Variants in PCDH10 observed in about 807,000 individuals in gnomAD.
PCDH10 encodes the protein protocadherin-10.
Under a neutral mutation model 74.4 loss-of-function variants are expected in PCDH10, and 15 were observed. The observed-to-expected ratio is 0.20, with a 90% CI of 0.13 to 0.31. PCDH10 has a LOEUF of 0.31. Ranked by LOEUF, PCDH10 falls within the 10% of genes least tolerant of loss-of-function variation. PCDH10 has a pLI of 1.00. For synonymous variants in PCDH10, 619 were observed against 589.8 expected, an observed-to-expected ratio of 1.05 and a Z score of -0.72; for missense variants, 1,260 against 1,390.2, an observed-to-expected ratio of 0.91 and a Z score of 1.49.
intron 4 of PCDH10, among the ~76,000 whole-genome samples, chr4:133,185,298 A>G (rs1039508324): frequency 9.2e-5 from 14 of 151,718 alleles, no homozygotes; most frequent in Non-Finnish European, 1.8e-4. Flanking sequence ...AAAAGCAAAT[A>G]TGAGTGTTCA....
At chr4:133,196,851 G>A (rs1388254995), downstream of PCDH10, among the ~76,000 whole-genome samples, 1 of 152,154 alleles carries the variant, frequency 6.6e-6, no homozygotes, top group East Asian at 1.9e-4. Flanking sequence ...GTTTCACAAT[G>A]CAAGTAGTAT....
chr4:133,172,294 T>A (rs1283805835), intron 4 of PCDH10, among the ~76,000 whole-genome samples: 2 of 152,000 alleles, frequency 1.3e-5, no homozygotes, highest in African/African-American at 2.4e-5. Context: ...TAAAAATAAT[T>A]TTTTTACTAT....
In PCDH10 at chr4:133,151,651, A is replaced by C; in HGVS notation, c.1511A>C (p.Glu504Ala). ...GCCCAGCTTGCCTACTCTATCCTCG[A>C]GTGCCAGATCCAGGGCATGAGCGTC... ...ANAQLAYSIL[E>A]CQIQGMSVFT... Residue 504 changes from glutamate to alanine, a missense_variant, in exon 1 of 5, where the codon GAG becomes GCG. Coordinates refer to ENST00000264360, the MANE Select transcript of PCDH10 (RefSeq NM_032961.3). 6.2e-7 allele frequency: 1 copy of C among 1,613,776 alleles called. No homozygotes were observed. Among genetic ancestry groups the C allele is most frequent in the Non-Finnish European group, 8.5e-7 (1 of 1,180,038 alleles).
intron 4 of PCDH10, among the ~76,000 whole-genome samples, chr4:133,185,311 T>C (rs1208837981): frequency 1.3e-5 from 2 of 151,686 alleles, no homozygotes; most frequent in Non-Finnish European, 2.9e-5. Flanking sequence ...AGTGTTCAAA[T>C]GGAAGGCAAA....
chr4:133,158,107 T>C (rs576482146), intron 3 of PCDH10, among the ~76,000 whole-genome samples: 1 of 152,174 alleles, frequency 6.6e-6, no homozygotes, highest in Non-Finnish European at 1.5e-5. Flanking sequence ...ACATAAACCA[T>C]CACAAGAGGA....
intron 4 of PCDH10, among the ~76,000 whole-genome samples, chr4:133,182,778 ATG>A (rs2125870862): frequency 6.6e-6 from 1 of 152,192 alleles, no homozygotes; most frequent in African/African-American, 2.4e-5. Context: ...AGAGCCTGGT[ATG>A]GTGGCCAACG....
chr4:133,201,346 A>G (rs1009553830), intron 2 of PCDH10, among the ~76,000 whole-genome samples: 4 of 152,202 alleles, frequency 2.6e-5, no homozygotes, highest in South Asian at 2.1e-4. Flanking sequence ...GGATGGAGAC[A>G]CACACACCTA....
At chr4:133,161,795 G>T (rs980910611) in intron 3 of PCDH10, among the ~76,000 whole-genome samples, 1 of 151,788 alleles carries the variant, frequency 6.6e-6, no homozygotes, top group Non-Finnish European at 1.5e-5. Context: ...TCCACACCCA[G>T]CTCCATGCCA....
Position 133,175,118 on chromosome 4 carries a change from G to A in PCDH10, c.3103+11836G>A, listed in dbSNP as rs181268337. ...TATTTTTTTCAAGGAAACATCTAAA[G>A]TAGTTACAAAGGCATATCATATTGT... On this transcript the variant is annotated intron_variant, in intron 4 of 4. Transcript: ENST00000264360. 2.6e-5 allele frequency among the ~76,000 whole-genome samples: 4 copies of A among 151,790 alleles called. No individual in the cohort carries two copies. The East Asian group carries it at 7.8e-4, about 29-fold the overall frequency.
intron 1 of PCDH10, chr4:133,153,229 G>A (rs1726781427): frequency 9.7e-7 from 1 of 1,035,540 alleles, no homozygotes; most frequent in Non-Finnish European, 1.2e-6. Context: ...GTACAAGTAA[G>A]CTATAGATTG....
At chr4:133,180,814 T>C (rs528409049) in intron 4 of PCDH10, among the ~76,000 whole-genome samples, 5 of 152,016 alleles carry the variant, frequency 3.3e-5, no homozygotes, top group African/African-American at 1.2e-4. Context: ...AAAAGTAACA[T>C]AATGATTTAA....
At chr4:133,195,666 T>A (rs577906859), downstream of PCDH10, among the ~76,000 whole-genome samples, 4 of 152,140 alleles carry the variant, frequency 2.6e-5, no homozygotes, top group Non-Finnish European at 2.9e-5. Flanking sequence ...AAATATTAAA[T>A]CATCAAATAA....
Position 133,150,807 on chromosome 4 carries a change from G to A in PCDH10, c.667G>A (p.Gly223Ser), listed in dbSNP as rs774175355. The change falls in exon 1 of 5, where the codon GGC (glycine) becomes AGC (serine). Residue 223 changes from glycine to serine, a missense_variant. Gly to Ser is a moderately conservative substitution (Grantham distance 56, BLOSUM62 0). Around this residue, in one of 11 missense-constraint regions of PCDH10, gnomAD observed 192 missense variants for 161.2 expected, o/e 1.19. Coordinates refer to ENST00000264360, the MANE Select transcript of PCDH10 (RefSeq NM_032961.3). ...GEGGGGGGGA[G>S]LPPQQQRTGT... ...AGGAGGGGGAGGTGGCGGGGGAGCA[G>A]GCCTGCCCCCCCAGCAGCAGCGCAC... 1 of 1,586,088 alleles carries A rather than the reference G, an allele frequency of 6.3e-7. No individual in the cohort carries two copies. The highest frequency in any genetic ancestry group is 8.6e-7 in the Non-Finnish European group (1 of 1,167,808).
At position 133,150,363 on chromosome 4, in the gene PCDH10, G is replaced by A; in HGVS notation, c.223G>A (p.Val75Met). ...DLNLETGVLY[V>M]NEKIDREQIC... ...CAACCTGGAGACAGGGGTGCTGTACGTGAACGAGAAAATAGACCGCGAACA... is the reference window on the plus strand; with the variant it reads ...CAACCTGGAGACAGGGGTGCTGTACATGAACGAGAAAATAGACCGCGAACA... Residue 75 changes from valine to methionine, a missense_variant, in exon 1 of 5, where the codon GTG becomes ATG. This residue lies in a region of PCDH10 where 103 missense variants were observed against 91.5 expected (regional missense o/e 1.13). Transcript: ENST00000264360. The A allele has an allele frequency of 2.5e-6, 4 of 1,613,914 alleles. No individual in the cohort carries two copies. Among genetic ancestry groups the A allele is most frequent in the Non-Finnish European group, 3.4e-6 (4 of 1,179,946 alleles).
chr4:133,152,742 A>G lies in PCDH10; in HGVS notation c.2602A>G (p.Ile868Val), dbSNP rs1578558470. Residue 868 changes from isoleucine (I) to valine (V), a missense_variant, in exon 1 of 5, where the codon ATC (isoleucine) becomes GTC (valine). By Grantham distance (29) the Ile-to-Val change is conservative. Coordinates refer to ENST00000264360, the MANE Select transcript of PCDH10 (RefSeq NM_032961.3). ...TTACACCGACCAGCAGCCTGATATC[A>G]TCTCCAACGGAAGCATTTTGTCCAA... ...TGYTDQQPDI[I>V]SNGSILSNET... is the part of the protein sequence containing the mutation. The G allele has an allele frequency of 1.2e-6, 2 of 1,614,180 alleles. No homozygotes were observed. Among genetic ancestry groups the G allele is most frequent in the Non-Finnish European group, 8.5e-7 (1 of 1,180,022 alleles).
In PCDH10 at chr4:133,150,726, G is replaced by A. The variant is rs745975351; in HGVS notation, c.586G>A (p.Val196Met). ...EKPLDREQQA[V>M]HRYVLTAVDG... ...GCCACTGGACCGAGAGCAGCAAGCG[G>A]TGCACCGCTACGTGCTGACCGCGGT... The change falls in exon 1 of 5, where the codon GTG becomes ATG. Residue 196 changes from valine to methionine, a missense_variant. By Grantham distance (21) the Val-to-Met change is conservative. This residue lies in a region of PCDH10 where 14 missense variants were observed against 36.5 expected (regional missense o/e 0.38). Transcript: ENST00000264360. 8.7e-6 allele frequency: 14 copies of A among 1,612,204 alleles called. No homozygotes were observed. The South Asian group carries it at 1.3e-4, about 15-fold the overall frequency.
Position 133,154,789 on chromosome 4 carries a change from T to C in PCDH10, c.2691-128T>C, listed in dbSNP as rs536722371. The C allele has an allele frequency of 3.4e-5, 22 of 656,042 alleles. No homozygotes were observed. In the South Asian group the frequency reaches 3.4e-4, roughly 10 times the overall value. The allele number at this position is 656,042 out of a possible 1,614,324, so 40.6% of individuals were successfully genotyped here. Reference sequence around the variant, plus strand: ...GCTTAGGCTATAAAAACTAGCTTTATGCAGAAACAAAGCCAACTAAGAGGT... The same window carrying C: ...GCTTAGGCTATAAAAACTAGCTTTACGCAGAAACAAAGCCAACTAAGAGGT... On this transcript the variant is annotated intron_variant, in intron 2 of 4. Coordinates refer to ENST00000264360, the MANE Select transcript of PCDH10 (RefSeq NM_032961.3).
intron 4 of PCDH10, among the ~76,000 whole-genome samples, chr4:133,176,691 G>T (rs1007802619): frequency 3.3e-5 from 5 of 151,982 alleles, no homozygotes; most frequent in African/African-American, 1.2e-4. Context: ...GAAAACAATG[G>T]AACAGATATT....
At chr4:133,154,518 A>G (rs1726820232) in intron 2 of PCDH10, among the ~76,000 whole-genome samples, 153 bp downstream of exon 2, 2 of 152,222 alleles carry the variant, frequency 1.3e-5, no homozygotes, top group South Asian at 4.1e-4. Flanking sequence ...TTTCCTAGAC[A>G]ATACATTAAA....
Sources: gnomAD v4.1 joint callset for allele counts (sites outside exome capture counted in the v4.1 genomes callset) on GRCh38, gnomAD v4.1.1 for gene constraint, gnomAD v4.1.1 regional missense constraint, MANE v1.5 for transcripts, NCBI Gene and HGNC (gene_info 2026-07-23, HGNC 2026-07-21) for gene names.